VANGL1: variants seen among roughly 807,000 people sequenced by gnomAD.
VANGL1 encodes the protein VANGL planar cell polarity protein 1.
VANGL1 carries 18 observed loss-of-function variants against 48.4 expected under a neutral mutation model. That is an observed-to-expected ratio of 0.37 (90% confidence interval 0.26 to 0.55). The LOEUF is 0.55. VANGL1 is among the 20% of genes least tolerant of loss of function. The pLI is 0.81. For synonymous variants in VANGL1, 257 were observed against 261.8 expected, an observed-to-expected ratio of 0.98 and a Z score of 0.18; for missense variants, 667 against 675.8, an observed-to-expected ratio of 0.99 and a Z score of 0.14.
chr1:115,671,994 TG>T (rs1652993207), intron 4 of VANGL1, among the ~76,000 whole-genome samples: 1 of 152,194 alleles, frequency 6.6e-6, no homozygotes, highest in Non-Finnish European at 1.5e-5. Context: ...TTGACAACCT[TG>T]TATTGCTTAG....
Position 115,696,498 on chromosome 1 carries a change from T to G in VANGL1, c.*5119T>G, listed in dbSNP as rs1654034536. ...CAGTTGTGCATAAACCATAGTTTTCTGCCCTGCTGTTTGCTTTCAATGGAA... is the reference window on the plus strand; with the variant it reads ...CAGTTGTGCATAAACCATAGTTTTCGGCCCTGCTGTTTGCTTTCAATGGAA... On this transcript the variant is annotated 3_prime_UTR_variant, in exon 8 of 8. Transcript: ENST00000355485. 6.6e-6 allele frequency: 1 copy of G among 152,236 alleles called. No homozygotes were observed. Among genetic ancestry groups the G allele is most frequent in the Non-Finnish European group, 1.5e-5 (1 of 68,044 alleles). 9.4% of individuals were successfully genotyped at this position (152,236 alleles called of 1,614,324 possible). A position where few individuals can be genotyped will look rare whatever the true frequency, so the allele number is the denominator to read the frequency against.
intron 2 of VANGL1, among the ~76,000 whole-genome samples, chr1:115,658,468 T>G (rs1381790352): frequency 6.6e-6 from 1 of 152,224 alleles, no homozygotes; most frequent in Non-Finnish European, 1.5e-5. Context: ...TTATGTGGTG[T>G]TGTCATTGTC....
At chr1:115,654,168 G>A (rs185547863) in intron 2 of VANGL1, among the ~76,000 whole-genome samples, 1 of 152,244 alleles carries the variant, frequency 6.6e-6, no homozygotes, top group Admixed American at 6.5e-5. Context: ...GAATGGAAGG[G>A]TAGGAGGCGG....
chr1:115,652,694 C>G (rs1248224824), intron 2 of VANGL1, among the ~76,000 whole-genome samples: 2 of 152,142 alleles, frequency 1.3e-5, no homozygotes, highest in Admixed American at 6.5e-5. Flanking sequence ...TGCGCTCTTC[C>G]CCATACAAGC....
chr1:115,642,923 C>T (rs1419092201), intron 1 of VANGL1, among the ~76,000 whole-genome samples: 1 of 152,226 alleles, frequency 6.6e-6, no homozygotes, highest in Non-Finnish European at 1.5e-5. Flanking sequence ...GTGGCGGCAG[C>T]AGTGGGGCGG....
intron 2 of VANGL1, among the ~76,000 whole-genome samples, chr1:115,657,605 T>C (rs913069423): frequency 3.4e-5 from 5 of 147,816 alleles, no homozygotes; most frequent in Non-Finnish European, 2.9e-5. Context: ...CCAAATTTTC[T>C]GCTTATTTGG....
At chr1:115,681,206 T>C (rs999820809) in intron 4 of VANGL1, among the ~76,000 whole-genome samples, 13 of 152,172 alleles carry the variant, frequency 8.5e-5, no homozygotes, top group Non-Finnish European at 1.8e-4. Context: ...TTGCAAGGTG[T>C]TCTTCAAAGT....
rs1394320385 is a variant in VANGL1 at position 115,696,923 on chromosome 1, C to A, written c.*5544C>A. The A allele has an allele frequency of 1.3e-5, 2 of 152,184 alleles. No individual in the cohort carries two copies. The highest frequency in any genetic ancestry group is 4.8e-5 in the African/African-American group (2 of 41,444). The allele number at this position is 152,184 out of a possible 1,614,324, so 9.4% of individuals were successfully genotyped here. A position where few individuals can be genotyped will look rare whatever the true frequency, so the allele number is the denominator to read the frequency against. ...AAGGTGACAAACCCCAGGCTTTTATCTTAAAAGTGTCTTTGGCACTTCTTT... is the reference window on the plus strand; with the variant it reads ...AAGGTGACAAACCCCAGGCTTTTATATTAAAAGTGTCTTTGGCACTTCTTT... On this transcript the variant is annotated 3_prime_UTR_variant, in exon 8 of 8. Coordinates refer to ENST00000355485, the MANE Select transcript of VANGL1 (RefSeq NM_138959.3).
chr1:115,674,315 T>G (rs1653088452), intron 4 of VANGL1, among the ~76,000 whole-genome samples: 1 of 152,230 alleles, frequency 6.6e-6, no homozygotes, highest in Admixed American at 6.5e-5. Flanking sequence ...CTGTACTTAT[T>G]GTTTGAGTGG....
intron 7 of VANGL1, among the ~76,000 whole-genome samples, chr1:115,688,853 G>T (rs1485658014): frequency 3.0e-5 from 4 of 131,240 alleles, no homozygotes; most frequent in Admixed American, 7.9e-5. Flanking sequence ...GCAGTGGCAC[G>T]ATCTCGGCTC....
intron 7 of VANGL1, among the ~76,000 whole-genome samples, chr1:115,686,225 CAGTACCTGTCATATGATGAGGATGG>C (rs1490641773): frequency 1.1e-4 from 16 of 152,160 alleles, no homozygotes; most frequent in Non-Finnish European, 1.9e-4. Flanking sequence ...GTGCTTGAAA[CAGTACCTGTCATATGATGAGGATGG>C]ACTAAATAGC....
intron 3 of VANGL1, among the ~76,000 whole-genome samples, chr1:115,663,109 G>A (rs562409488): frequency 6.6e-6 from 1 of 152,248 alleles, no homozygotes; most frequent in East Asian, 1.9e-4. Flanking sequence ...TAAAATGTGG[G>A]TCCTAGCTAC....
At position 115,689,176 on chromosome 1, in the gene VANGL1, G is replaced by A. The variant is rs557760635; in HGVS notation, c.1315-1943G>A. Reference sequence around the variant, plus strand: ...TTTATTCTATAAAATTATTGTTTTAGTTTCATTTCTCTAATTGTTATTTTC... The same window carrying A: ...TTTATTCTATAAAATTATTGTTTTAATTTCATTTCTCTAATTGTTATTTTC... On this transcript the variant is annotated intron_variant, in intron 7 of 7. Coordinates refer to ENST00000355485, the MANE Select transcript of VANGL1 (RefSeq NM_138959.3). 8.7e-5 allele frequency among the ~76,000 whole-genome samples: 12 copies of A among 137,612 alleles called. 4 individuals carry two copies. The highest frequency in any genetic ancestry group is 2.5e-4 in the African/African-American group (9 of 36,596). 90.3% of individuals were successfully genotyped at this position (137,612 alleles called of 152,430 possible). A position where few individuals can be genotyped will look rare whatever the true frequency, so the allele number is the denominator to read the frequency against.
intron 4 of VANGL1, among the ~76,000 whole-genome samples, chr1:115,664,549 G>A (rs1652702090): frequency 6.6e-6 from 1 of 152,208 alleles, no homozygotes; most frequent in African/African-American, 2.4e-5. Context: ...GATGGAGAAA[G>A]GAGATGCATA....
At chr1:115,643,656 T>G (rs528252906) in intron 1 of VANGL1, among the ~76,000 whole-genome samples, 1 of 152,340 alleles carries the variant, frequency 6.6e-6, no homozygotes, top group African/African-American at 2.4e-5. Context: ...AGAAGAATTT[T>G]GAGAGTGATA....
intron 2 of VANGL1, among the ~76,000 whole-genome samples, chr1:115,656,125 C>A (rs1570742637): frequency 1.3e-5 from 2 of 152,248 alleles, no homozygotes; most frequent in South Asian, 4.1e-4. Flanking sequence ...ACCTTCATCT[C>A]TCACTTGACA....
rs755820435 is a variant in VANGL1, at chr1:115,685,450, C to T, written c.1237C>T (p.Arg413Trp). 2.4e-5 allele frequency: 39 copies of T among 1,614,010 alleles called. No individual in the cohort carries two copies. The highest frequency in any genetic ancestry group is 5.0e-5 in the Admixed American group (3 of 60,006). The stretch of plus-strand genomic sequence containing the variant: ...TCTCCAGAAGTACCTGCGCATCACC[C>T]GGCAGCAGAACTACCACAGCATGGA... ...RALQKYLRIT[R>W]QQNYHSMESI... is the part of the protein sequence containing the mutation. Residue 413 changes from arginine (R) to tryptophan (W), a missense_variant, in exon 7 of 8, where the codon CGG becomes TGG. Physicochemically the swap from Arg to Trp is moderately radical, Grantham distance 101. Coordinates refer to ENST00000355485, the MANE Select transcript of VANGL1 (RefSeq NM_138959.3).
At chr1:115,672,859 A>G (rs1358346892) in intron 4 of VANGL1, among the ~76,000 whole-genome samples, 2 of 152,188 alleles carry the variant, frequency 1.3e-5, no homozygotes, top group Non-Finnish European at 2.9e-5. Flanking sequence ...TGGGACTCAC[A>G]CAAATATTGC....
chr1:115,679,393 C>T (rs1273788030), intron 4 of VANGL1, among the ~76,000 whole-genome samples: 1 of 152,250 alleles, frequency 6.6e-6, no homozygotes, highest in African/African-American at 2.4e-5. Flanking sequence ...CCGCCCCCAC[C>T]CTGGGCACTT....
Sources: gnomAD v4.1 joint callset for allele counts (sites outside exome capture counted in the v4.1 genomes callset) on GRCh38, gnomAD v4.1.1 for gene constraint, MANE v1.5 for transcripts, NCBI Gene and HGNC (gene_info 2026-07-23, HGNC 2026-07-21) for gene names.